ZFHX3: variants seen among roughly 807,000 people sequenced by gnomAD.
ZFHX3 encodes the protein zinc finger homeobox 3, also known as zinc finger homeobox protein 3.
In ZFHX3, 42 loss-of-function variants were observed where a neutral mutation model predicts 279.1. The ratio of observed to expected loss-of-function variants is 0.15; its 90% confidence interval spans 0.12 to 0.19. ZFHX3 has a LOEUF of 0.19. ZFHX3 is among the 10% of genes least tolerant of loss of function. The probability of loss-of-function intolerance (pLI) is 1.00; values close to 1 mark genes in which losing one functional copy is unlikely to be tolerated. For synonymous variants in ZFHX3, 2,293 were observed against 1,957.8 expected (o/e 1.17, Z -4.52); for missense variants, 4,981 against 4,754.0 (o/e 1.05, Z -1.40).
intron 1 of ZFHX3, among the ~76,000 whole-genome samples, chr16:73,737,778 C>T (rs552283395): frequency 6.6e-6 from 1 of 152,234 alleles, no homozygotes; most frequent in Non-Finnish European, 1.5e-5. Context: ...GGCTTTTCTG[C>T]AGTCTCTTTT....
At chr16:73,735,382 TAAAA>T (rs1310717929) in intron 1 of ZFHX3, among the ~76,000 whole-genome samples, 1 of 102,264 alleles carries the variant, frequency 9.8e-6, no homozygotes, top group African/African-American at 3.5e-5. Flanking sequence ...TGTGTGCTTC[TAAAA>T]AAAAAAAAAA....
At chr16:73,295,695 A>C (rs2014891834) in intron 4 of ZFHX3, among the ~76,000 whole-genome samples, 1 of 152,150 alleles carries the variant, frequency 6.6e-6, no homozygotes, top group South Asian at 2.1e-4. Context: ...CACCAGGAAA[A>C]AGAAGGGAGT....
At chr16:73,563,492 C>T (rs1010637184) in intron 2 of ZFHX3, among the ~76,000 whole-genome samples, 3 of 151,950 alleles carry the variant, frequency 2.0e-5, no homozygotes, top group South Asian at 2.1e-4. Flanking sequence ...CTCCTGACCT[C>T]GTGATCCGCC....
intron 3 of ZFHX3, among the ~76,000 whole-genome samples, chr16:73,374,091 T>C (rs1050303056): frequency 6.6e-6 from 1 of 152,096 alleles, no homozygotes; most frequent in South Asian, 2.1e-4. Context: ...CAGAATCACC[T>C]ATCGACGCAG....
At chr16:73,302,173 C>T (rs1390983532) in intron 4 of ZFHX3, among the ~76,000 whole-genome samples, 1 of 152,120 alleles carries the variant, frequency 6.6e-6, no homozygotes, top group East Asian at 1.9e-4. Context: ...TTCTTTTCCC[C>T]CTTTCTATGC....
Position 73,187,898 on chromosome 16 carries a change from G to T in ZFHX3, c.-1103-44067C>A, listed in dbSNP as rs551027274. On this transcript the variant is annotated intron_variant, in intron 5 of 17. Coordinates refer to the ZFHX3 transcript ENST00000641206. ...TTTTGAGACGGAGTCTCGCTCTGTC[G>T]CCCAGGCTGGAGTGCAATGGCGTGA... is the stretch of plus-strand genomic sequence containing the variant. 1.6e-3 allele frequency among the ~76,000 whole-genome samples: 248 copies of T among 152,100 alleles called. 1 individual carries two copies. Among genetic ancestry groups the T allele is most frequent in the African/African-American group, 5.6e-3 (233 of 41,518 alleles).
rs764472267 is a variant in ZFHX3 at position 72,787,534 on chromosome 16, G to A, written c.10742C>T (p.Pro3581Leu). The A allele has an allele frequency of 1.1e-5, 18 of 1,614,072 alleles. No individual in the cohort carries two copies. Among genetic ancestry groups the A allele is most frequent in the Non-Finnish European group, 1.4e-5 (17 of 1,179,994 alleles). Residue 3581 changes from proline to leucine, a missense_variant, in exon 10 of 10, where the codon CCT becomes CTT. Pro to Leu is a moderately conservative substitution (Grantham distance 98). This residue lies in a region of ZFHX3 where 1,034 missense variants were observed against 786.0 expected (regional missense o/e 1.32). Transcript: ENST00000268489. ...AGACTGCGAGGTAGATGCGGTGCTA[G>A]GATCGGGGAAGCAGGCAGAGTGAGG... ...LLPHSACFPD[P>L]STASTSQSAA...
intron 4 of ZFHX3, among the ~76,000 whole-genome samples, chr16:72,865,756 T>C (rs2038003099): frequency 6.6e-6 from 1 of 152,126 alleles, no homozygotes; most frequent in Admixed American, 6.5e-5. Flanking sequence ...CTCTTCCCAA[T>C]TCTGCTGCTG....
At chr16:73,674,443 C>T (rs1375581918) in intron 2 of ZFHX3, among the ~76,000 whole-genome samples, 1 of 152,270 alleles carries the variant, frequency 6.6e-6, no homozygotes, top group East Asian at 1.9e-4. Context: ...ACTGTGTAAG[C>T]TTAGATTAAG....
At chr16:73,371,929 T>C (rs2016638080) in intron 3 of ZFHX3, among the ~76,000 whole-genome samples, 1 of 152,228 alleles carries the variant, frequency 6.6e-6, no homozygotes, top group South Asian at 2.1e-4. Context: ...GCCCCCTTCC[T>C]GGACCTCTTC....
At chr16:73,018,146 C>T (rs573809830) in intron 1 of ZFHX3, among the ~76,000 whole-genome samples, 6 of 151,924 alleles carry the variant, frequency 3.9e-5, no homozygotes, top group Admixed American at 2.0e-4. Context: ...CCATCACACC[C>T]GGCTAATTTT....
chr16:73,524,522 C>T (rs1475689433), intron 2 of ZFHX3, among the ~76,000 whole-genome samples: 1 of 152,164 alleles, frequency 6.6e-6, no homozygotes, highest in Non-Finnish European at 1.5e-5. Flanking sequence ...GCTGTGAAAA[C>T]AGCTTGATTC....
intron 4 of ZFHX3, among the ~76,000 whole-genome samples, chr16:73,312,629 G>A (rs997822907): frequency 6.6e-6 from 1 of 152,182 alleles, no homozygotes; most frequent in African/African-American, 2.4e-5. Flanking sequence ...GTGGGCCATG[G>A]ACCAGGAATG....
rs539723211 is a variant in ZFHX3 at position 73,709,048 on chromosome 16, G to A, written c.-1607-28808C>T. ...GGGGTGTCATTTCCTGACCTTCTTC[G>A]GTACCTATCTCCACAAGGTTGTTTT... On this transcript the variant is annotated intron_variant, in intron 1 of 17. Transcript: ENST00000641206. Among the ~76,000 whole-genome samples the A allele has an allele frequency of 7.9e-5, 12 of 152,104 alleles. 1 individual carries two copies. Among genetic ancestry groups the A allele is most frequent in the Middle Eastern group, 6.8e-3 (2 of 294 alleles).
At chr16:73,317,721 G>T (rs988900274) in intron 4 of ZFHX3, among the ~76,000 whole-genome samples, 1 of 152,038 alleles carries the variant, frequency 6.6e-6, no homozygotes, top group African/African-American at 2.4e-5. Context: ...ACACATGCGC[G>T]GCATCAAATA....
chr16:73,474,731 AC>A (rs1007090725), intron 2 of ZFHX3, among the ~76,000 whole-genome samples: 1 of 152,170 alleles, frequency 6.6e-6, no homozygotes, highest in African/African-American at 2.4e-5. Flanking sequence ...ACACACCCTG[AC>A]TTTAGTCTCA....
intron 5 of ZFHX3, among the ~76,000 whole-genome samples, chr16:73,229,475 G>C (rs1421380324): frequency 6.6e-6 from 1 of 152,146 alleles, no homozygotes; most frequent in East Asian, 1.9e-4. Context: ...ACATTACAAT[G>C]TATAACTACA....
intron 1 of ZFHX3, among the ~76,000 whole-genome samples, chr16:73,849,263 A>C (rs370244988): frequency 7.3e-4 from 111 of 152,312 alleles, no homozygotes; most frequent in Admixed American, 2.8e-3. Flanking sequence ...CTATGAAGCC[A>C]CATCTCACAA....
chr16:73,475,418 C>CA (rs2143613081), intron 2 of ZFHX3, among the ~76,000 whole-genome samples: 1 of 152,216 alleles, frequency 6.6e-6, no homozygotes, highest in South Asian at 2.1e-4. Context: ...CAGAACAATA[C>CA]TGTTTAGCAT....
Sources: gnomAD v4.1 joint callset for allele counts (sites outside exome capture counted in the v4.1 genomes callset) on GRCh38, gnomAD v4.1.1 for gene constraint, gnomAD v4.1.1 regional missense constraint, MANE v1.5 for transcripts, NCBI Gene and HGNC (gene_info 2026-07-23, HGNC 2026-07-21) for gene names.